Variants in DOCK6 observed in about 807,000 individuals in gnomAD.
DOCK6 encodes dedicator of cytokinesis protein 6.
In DOCK6, 167 loss-of-function variants were observed where a neutral mutation model predicts 230.3. The observed-to-expected ratio is 0.73, with a 90% confidence interval of 0.64 to 0.82. DOCK6 has a LOEUF of 0.82. Ranked by LOEUF, DOCK6 falls within the 40% of genes least tolerant of loss-of-function variation. The probability of loss-of-function intolerance (pLI) is 0.00; values close to 1 mark genes in which losing one functional copy is unlikely to be tolerated. For missense variants in DOCK6, 2,598 were observed against 2,825.8 expected, an observed-to-expected ratio of 0.92 and a Z score of 1.83; for synonymous variants, 1,148 against 1,185.0, an observed-to-expected ratio of 0.97 and a Z score of 0.64.
chr19:11,211,107 T>C (rs1384126803), intron 37 of DOCK6, among the ~76,000 whole-genome samples: 1 of 151,594 alleles, frequency 6.6e-6, no homozygotes, highest in African/African-American at 2.4e-5. Context: ...TCTATTCACC[T>C]GTCTCCTCGC....
chr19:11,241,573 TGGCA>T lies in DOCK6; in HGVS notation c.1643+468_1643+471del. On this transcript the variant is annotated intron_variant, in intron 14 of 47. Coordinates refer to ENST00000294618, the MANE Select transcript of DOCK6 (RefSeq NM_020812.4). ...AGGAGAGGTGAGCCTGGCAGGGGTT[TGGCA>T]GGCAGGGCAGTTGGATGGGGGGCGC... is the stretch of plus-strand genomic sequence containing the variant. 3.2e-6 allele frequency: 5 copies of T among 1,554,786 alleles called. No individual in the cohort carries two copies. In the South Asian group the frequency reaches 5.9e-5, roughly 18 times the overall value.
intron 1 of DOCK6, among the ~76,000 whole-genome samples, chr19:11,259,879 GC>G (rs1294843432): frequency 3.0e-5 from 1 of 33,198 alleles, no homozygotes; most frequent in Non-Finnish European, 7.0e-5. Flanking sequence ...GCCGCGCCCG[GC>G]CTTTTTTTTT....
Position 11,201,519 on chromosome 19 carries a change from G to A in DOCK6, c.5688+370C>T, listed in dbSNP as rs2079168379. Among the ~76,000 whole-genome samples, 1 of 151,692 alleles carries A rather than the reference G, an allele frequency of 6.6e-6. No homozygotes were observed. Among genetic ancestry groups the A allele is most frequent in the East Asian group, 1.9e-4 (1 of 5,164 alleles). On this transcript the variant is annotated intron_variant, in intron 44 of 47. Coordinates refer to ENST00000294618, the MANE Select transcript of DOCK6 (RefSeq NM_020812.4). This position sits in a 1 kb window ranked among gnomAD's most constrained non-coding sequence, Gnocchi z 4.3. ...CTGGAGGTAGAGGTTTCAGTTTAGA[G>A]ATTGGAATGCAGGGTCTCCATATCT...
rs543417506 is a variant in DOCK6, at chr19:11,202,284, T to G, written c.5451+110A>C. On this transcript the variant is annotated intron_variant, in intron 43 of 47. Coordinates refer to ENST00000294618, the MANE Select transcript of DOCK6 (RefSeq NM_020812.4). The surrounding 1 kb of genome is among the most constrained non-coding windows in gnomAD (Gnocchi z 5.3). ...AGGAATAGGTTTTGGGGTCCCTCAG[T>G]GAAATATGATTTGGGGTTTCCCAGA... 3.4e-4 allele frequency: 495 copies of G among 1,435,870 alleles called. No homozygotes were observed. The highest frequency in any genetic ancestry group is 4.3e-4 in the Non-Finnish European group (455 of 1,047,436). The allele number at this position is 1,435,870 out of a possible 1,614,324, so 88.9% of individuals were successfully genotyped here.
rs766890825 is a variant in DOCK6 at position 11,201,024 on chromosome 19, A to G, written c.5717T>C (p.Ile1906Thr). 1.9e-6 allele frequency: 3 copies of G among 1,613,492 alleles called. No homozygotes were observed. Among genetic ancestry groups the G allele is most frequent in the African/African-American group, 1.3e-5 (1 of 74,790 alleles). Residue 1906 changes from isoleucine (I) to threonine (T), a missense_variant, in exon 45 of 48, where the codon ATC becomes ACC. Coordinates refer to ENST00000294618, the MANE Select transcript of DOCK6 (RefSeq NM_020812.4). This position sits in a 1 kb window ranked among gnomAD's most constrained non-coding sequence, Gnocchi z 4.3. Reference sequence around the variant, plus strand: ...CCGTGTCTTCTTCTGCATGTCCTCGATGGCCACCTCCACTGGCGTCAGCAC... The same window carrying G: ...CCGTGTCTTCTTCTGCATGTCCTCGGTGGCCACCTCCACTGGCGTCAGCAC... ...ETVLTPVEVA[I>T]EDMQKKTREL...
At position 11,213,238 on chromosome 19, in the gene DOCK6, T is replaced by A; in HGVS notation, c.4429A>T (p.Ile1477Phe). Residue 1477 changes from isoleucine (I) to phenylalanine (F), a missense_variant, in exon 35 of 48, where the codon ATC becomes TTC. By Grantham distance (21) the Ile-to-Phe change is conservative. Coordinates refer to ENST00000294618, the MANE Select transcript of DOCK6 (RefSeq NM_020812.4). ...LRHCGSRIST[I>F]RTHASASLYL... ...AGCGAGGCGCTGGCGTGCGTGCGGA[T>A]GGTGCTGATGCGGCTGCCACAGTGT... The A allele has an allele frequency of 6.2e-7, 1 of 1,613,182 alleles. No homozygotes were observed. Among genetic ancestry groups the A allele is most frequent in the Non-Finnish European group, 8.5e-7 (1 of 1,179,864 alleles).
chr19:11,207,622 T>C (rs1032747370), intron 39 of DOCK6, among the ~76,000 whole-genome samples: 4 of 151,154 alleles, frequency 2.6e-5, no homozygotes, highest in Non-Finnish European at 5.9e-5. Flanking sequence ...TAAGACTCCC[T>C]CTCTATGAAA....
At position 11,252,554 on chromosome 19, in the gene DOCK6, C is replaced by T. The variant is rs2080134658; in HGVS notation, c.309-4G>A. 1 of 1,613,920 alleles carries T rather than the reference C, an allele frequency of 6.2e-7. No homozygotes were observed. The highest frequency in any genetic ancestry group is 8.5e-7 in the Non-Finnish European group (1 of 1,179,900). On this transcript the variant is annotated splice_polypyrimidine_tract_variant and splice_region_variant and intron_variant, in intron 3 of 47. Transcript: ENST00000294618. ...CCTCACCTGGGCATCCAGTTTTCTG[C>T]AGCAAAAGAAGATCAGGGTAAACAG...
intron 37 of DOCK6, among the ~76,000 whole-genome samples, 198 bp from the exon 38 acceptor site, chr19:11,209,301 C>T (rs1224423993): frequency 1.3e-5 from 2 of 151,742 alleles, no homozygotes; most frequent in African/African-American, 2.4e-5. Flanking sequence ...TCTTCCCCTT[C>T]GCCTATTTTC....
rs2147699134 is a variant in DOCK6 at position 11,202,587 on chromosome 19, C to T, written c.5358G>A (p.Leu1786=). Residue 1786 remains leucine (L), a synonymous_variant, in exon 42 of 48, where the codon CTG becomes CTA. Transcript: ENST00000294618. This position sits in a 1 kb window ranked among gnomAD's most constrained non-coding sequence, Gnocchi z 5.3. ...ITKLAEISHR[L]EEFYTERFGD... is the part of the protein sequence containing the mutation. ...ACCCCCAACCACAAGGACGTGCCTCCAGCCGGTGTGAGATCTCTGCCAGCT... is the reference window on the plus strand; with the variant it reads ...ACCCCCAACCACAAGGACGTGCCTCTAGCCGGTGTGAGATCTCTGCCAGCT... 1.9e-6 allele frequency: 3 copies of T among 1,614,042 alleles called. No individual in the cohort carries two copies. Among genetic ancestry groups the T allele is most frequent in the East Asian group, 2.2e-5 (1 of 44,882 alleles).
At chr19:11,207,176 T>C (rs562299240) in intron 39 of DOCK6, among the ~76,000 whole-genome samples, 3 of 152,026 alleles carry the variant, frequency 2.0e-5, no homozygotes, top group African/African-American at 7.2e-5. Flanking sequence ...TGAAGATGCA[T>C]GCGAATATCC....
chr19:11,243,621 G>GT lies in DOCK6; in HGVS notation c.1193_1194insA (p.Val399ArgfsTer18). On this transcript the variant is annotated frameshift_variant, in exon 11 of 48. Coordinates refer to ENST00000294618, the MANE Select transcript of DOCK6 (RefSeq NM_020812.4). LOFTEE classifies it high-confidence loss of function. This position sits in a 1 kb window ranked among gnomAD's most constrained non-coding sequence, Gnocchi z 6.3. ...TGCTCACGATGTTGGCCAAGTGCAC[G>GT]GCCGTCCAGGCGAAGGGCATGCGGT... The GT allele has an allele frequency of 6.2e-7, 1 of 1,611,936 alleles. No individual in the cohort carries two copies. The highest frequency in any genetic ancestry group is 8.5e-7 in the Non-Finnish European group (1 of 1,179,498).
rs762331056 is a variant in DOCK6, at chr19:11,229,032, G to A, written c.2722C>T (p.Leu908Phe). 3.1e-6 allele frequency: 5 copies of A among 1,613,324 alleles called. No individual in the cohort carries two copies. The highest frequency in any genetic ancestry group is 4.2e-6 in the Non-Finnish European group (5 of 1,179,720). ...CACTGCAGAGCCAGCTCCTCGTGAAGCAGCTGGGGACAGAGGCAGGGGTCA... is the reference window on the plus strand; with the variant it reads ...CACTGCAGAGCCAGCTCCTCGTGAAACAGCTGGGGACAGAGGCAGGGGTCA... ...EVSRILASKL[L>F]HEELALQWVV... Residue 908 changes from leucine (L) to phenylalanine (F), a missense_variant, in exon 23 of 48, where the codon CTT becomes TTT. Physicochemically the swap from Leu to Phe is conservative, Grantham distance 22. Coordinates refer to ENST00000294618, the MANE Select transcript of DOCK6 (RefSeq NM_020812.4).
chr19:11,254,304 G>A (rs769294804), intron 1 of DOCK6, among the ~76,000 whole-genome samples: 7 of 152,176 alleles, frequency 4.6e-5, no homozygotes, highest in Non-Finnish European at 8.8e-5. Flanking sequence ...CCTGGCCTGC[G>A]GGGCCCAGAG....
rs372327271 is a variant in DOCK6 at position 11,253,054 on chromosome 19, T to C, written c.133-96A>G. 4 of 1,255,982 alleles carry C rather than the reference T, an allele frequency of 3.2e-6. No individual in the cohort carries two copies. The Admixed American group carries it at 9.4e-5, about 29-fold the overall frequency. 77.8% of individuals were successfully genotyped at this position (1,255,982 alleles called of 1,614,324 possible). A position where few individuals can be genotyped will look rare whatever the true frequency, so the allele number is the denominator to read the frequency against. ...GGTGCGCGCTGGCTTCAAACTCAAA[T>C]AGGAGGGCGGTGGGAGCCATGGAGG... On this transcript the variant is annotated intron_variant, in intron 2 of 47. Coordinates refer to ENST00000294618, the MANE Select transcript of DOCK6 (RefSeq NM_020812.4).
Position 11,243,079 on chromosome 19 carries a change from C to T in DOCK6, c.1460G>A (p.Arg487Gln), listed in dbSNP as rs1315434762. ...CGCACCAGTCACAGGACGTAGTCGCCGCAGCAGGGACGACGGGCGCCTCAT... is the reference window on the plus strand; with the variant it reads ...CGCACCAGTCACAGGACGTAGTCGCTGCAGCAGGGACGACGGGCGCCTCAT... ...ADMRRPSSLL[R>Q]RLRPVTAQLK... The change falls in exon 13 of 48, where the codon CGG becomes CAG. Residue 487 changes from arginine (R) to glutamine (Q), a missense_variant. By Grantham distance (43) the Arg-to-Gln change is conservative (BLOSUM62 1). Coordinates refer to ENST00000294618, the MANE Select transcript of DOCK6 (RefSeq NM_020812.4). The surrounding 1 kb of genome is among the most constrained non-coding windows in gnomAD (Gnocchi z 6.3). 4 of 1,613,794 alleles carry T rather than the reference C, an allele frequency of 2.5e-6. No individual in the cohort carries two copies. The highest frequency in any genetic ancestry group is 2.2e-5 in the East Asian group (1 of 44,884).
In DOCK6 at chr19:11,235,724, G is replaced by C. The variant is rs560055632; in HGVS notation, c.2428C>G (p.His810Asp). ...LGRGAFEAMA[H>D]VVSLVHRSLE... ...CTCCGGTGAACAAGGCTGACTACAT[G>C]GGCCATTGCTTCAAAGGCTCCACGG... Residue 810 changes from histidine (H) to aspartate (D), a missense_variant, in exon 21 of 48, where the codon CAT (histidine) becomes GAT (aspartate). Transcript: ENST00000294618. 8.1e-6 allele frequency: 13 copies of C among 1,598,900 alleles called. 1 individual carries two copies. The Middle Eastern group carries it at 9.9e-4, about 122-fold the overall frequency.
At chr19:11,211,936 T>TG (rs2079393255) in intron 36 of DOCK6, 57 bp downstream of exon 36, 8 of 1,398,108 alleles carry the variant, frequency 5.7e-6, no homozygotes, top group African/African-American at 3.1e-5. Context: ...GGAGCCAAGG[T>TG]GGTGGGGTTG....
rs1287667681 is a variant in DOCK6 at position 11,250,868 on chromosome 19, A to G, written c.720+6T>C. 2.5e-6 allele frequency: 4 copies of G among 1,591,910 alleles called. No individual in the cohort carries two copies. The highest frequency in any genetic ancestry group is 3.4e-6 in the Non-Finnish European group (4 of 1,162,758). On this transcript the variant is annotated splice_donor_region_variant and intron_variant, in intron 6 of 47. Transcript: ENST00000294618. ...GGTTGGCTGATATCTGGGAAGGGGC[A>G]CCCACCTCGTCAGGTGCCGGGTAGA...
Sources: allele counts gnomAD v4.1 joint callset (sites outside exome capture counted in the v4.1 genomes callset), GRCh38; gene constraint gnomAD v4.1.1; non-coding constraint Gnocchi (gnomAD v3.1); transcripts MANE v1.5; gene names NCBI Gene and HGNC (gene_info 2026-07-23, HGNC 2026-07-21).